FALEC: variants seen among roughly 807,000 people sequenced by gnomAD.
FALEC encodes focally amplified lncRNA on chromosome 1.
the FALEC span, among the ~76,000 whole-genome samples, chr1:150,526,476 T>A: frequency 4.6e-5 from 7 of 151,894 alleles, no homozygotes; most frequent in African/African-American, 1.7e-4. Flanking sequence ...TGGGAGTACA[T>A]GCTTGAGCTA....
the FALEC span, among the ~76,000 whole-genome samples, chr1:150,533,404 T>C: frequency 5.3e-5 from 8 of 150,172 alleles, no homozygotes; most frequent in South Asian, 1.7e-3. Context: ...TTTTTGTGTA[T>C]ACCTATCTTA....
downstream of FALEC, among the ~76,000 whole-genome samples, chr1:150,521,021 G>C (rs753268802): frequency 1.3e-5 from 2 of 151,824 alleles, no homozygotes; most frequent in African/African-American, 4.8e-5. Context: ...AGCTGGTCTC[G>C]AACTCCCGAC....
chr1:150,528,761 G>A, the FALEC span, among the ~76,000 whole-genome samples: 5 of 151,316 alleles, frequency 3.3e-5, no homozygotes, highest in African/African-American at 4.9e-5. Context: ...ATTTTCTTTC[G>A]TATTTTTAGT....
downstream of FALEC, among the ~76,000 whole-genome samples, chr1:150,521,757 T>C (rs1302880436): frequency 6.6e-6 from 1 of 152,200 alleles, no homozygotes; most frequent in Non-Finnish European, 1.5e-5. Context: ...ATGGGTCTAT[T>C]TATGGACCTT....
At chr1:150,526,008 CATA>C in the FALEC span, among the ~76,000 whole-genome samples, 104 of 152,248 alleles carry the variant, frequency 6.8e-4, 2 homozygotes, top group East Asian at 0.017. Context: ...TTTCACTCAG[CATA>C]ATATTTTCAA....
At chr1:150,536,577 A>G in the FALEC span, among the ~76,000 whole-genome samples, 1 of 152,180 alleles carries the variant, frequency 6.6e-6, no homozygotes. Flanking sequence ...GGATCACTGG[A>G]GCTCCCTCAA....
chr1:150,519,839 C>G (rs946745371), downstream of FALEC, among the ~76,000 whole-genome samples: 1 of 148,384 alleles, frequency 6.7e-6, no homozygotes, highest in African/African-American at 2.5e-5. Flanking sequence ...GCAACAAGAG[C>G]GAAACTCTGT....
At chr1:150,533,357 A>G in the FALEC span, among the ~76,000 whole-genome samples, 2 of 151,350 alleles carry the variant, frequency 1.3e-5, no homozygotes, top group African/African-American at 4.9e-5. Flanking sequence ...GATGGGCCAC[A>G]TCGAGTGTGG....
At chr1:150,522,847 C>A (rs199818476), downstream of FALEC, among the ~76,000 whole-genome samples, 10,607 of 91,166 alleles carry the variant, frequency 0.12, 1,831 homozygotes, top group Non-Finnish European at 0.17. Flanking sequence ...CTCTCTCTCT[C>A]TCTCTATATA....
At chr1:150,524,690 A>G in the FALEC span, among the ~76,000 whole-genome samples, 2 of 152,226 alleles carry the variant, frequency 1.3e-5, no homozygotes, top group African/African-American at 4.8e-5. Flanking sequence ...TAGAACCACA[A>G]GAAGGTACCA....
At chr1:150,522,975 ATATATATATTTT>A (rs1213617959), downstream of FALEC, among the ~76,000 whole-genome samples, 2 of 28,842 alleles carry the variant, frequency 6.9e-5, 1 homozygote, top group African/African-American at 3.3e-4. Context: ...ATATATATAT[ATATATATATTTT>A]TTTTTTTTTT....
chr1:150,534,007 C>A, the FALEC span, among the ~76,000 whole-genome samples: 7 of 152,260 alleles, frequency 4.6e-5, no homozygotes, highest in South Asian at 1.4e-3. Context: ...ACAAGGATGG[C>A]GTGGGGAGAA....
chr1:150,529,458 C>CA, the FALEC span, among the ~76,000 whole-genome samples: 11 of 152,224 alleles, frequency 7.2e-5, no homozygotes, highest in Non-Finnish European at 1.2e-4. Context: ...TCCTTGTCCC[C>CA]AAAATGAAAC....
downstream of FALEC, among the ~76,000 whole-genome samples, chr1:150,520,783 CTTTTTTTTTTTT>C (rs71086518): frequency 7.0e-4 from 30 of 42,822 alleles, no homozygotes; most frequent in South Asian, 3.2e-3. Context: ...CTTTTCTTTT[CTTTTTTTTTTTT>C]TTTTTTTTTT....
At chr1:150,522,841 C>A, downstream of FALEC, among the ~76,000 whole-genome samples, 1 of 111,766 alleles carries the variant, frequency 8.9e-6, no homozygotes. Flanking sequence ...AACTCTCTCT[C>A]TCTCTCTCTC....
downstream of FALEC, among the ~76,000 whole-genome samples, chr1:150,521,309 T>C (rs184224823): frequency 2.0e-4 from 31 of 152,228 alleles, no homozygotes; most frequent in Non-Finnish European, 4.0e-4. Flanking sequence ...GCCAAAGTGG[T>C]TGTACTAATT....
chr1:150,520,671 G>T (rs1409465485), downstream of FALEC, among the ~76,000 whole-genome samples: 1 of 150,948 alleles, frequency 6.6e-6, no homozygotes, highest in Non-Finnish European at 1.5e-5. Context: ...AACTTCATAA[G>T]AATGGAATCA....
the FALEC span, among the ~76,000 whole-genome samples, chr1:150,530,729 G>A: frequency 6.6e-6 from 1 of 152,162 alleles, no homozygotes; most frequent in East Asian, 1.9e-4. Flanking sequence ...GTGACCAAAC[G>A]GAGGCCCGCA....
At chr1:150,522,867 G>GTGTATATATATACA (rs1560270634), downstream of FALEC, among the ~76,000 whole-genome samples, 1 of 68,108 alleles carries the variant, frequency 1.5e-5, no homozygotes, top group Non-Finnish European at 3.2e-5. Context: ...ATATATATAC[G>GTGTATATATATACA]TATATATACA....
Sources: allele counts gnomAD v4.1 joint callset (sites outside exome capture counted in the v4.1 genomes callset), GRCh38; gene constraint gnomAD v4.1.1; transcripts MANE v1.5; gene names NCBI Gene and HGNC (gene_info 2026-07-23, HGNC 2026-07-21).